GHR: variants seen among roughly 807,000 people sequenced by gnomAD.
GHR encodes GH receptor.
A neutral mutation model predicts 67.1 loss-of-function variants in GHR; 35 were observed. The ratio of observed to expected loss-of-function variants is 0.52; its 90% CI spans 0.40 to 0.69. The LOEUF is 0.69. GHR is among the 30% of genes least tolerant of loss of function. The pLI, the probability that GHR is intolerant of heterozygous loss-of-function variation, is 0.00. For missense variants in GHR, 792 were observed against 764.6 expected (o/e 1.04, Z -0.42); for synonymous variants, 272 against 269.1 (o/e 1.01, Z -0.10).
intron 2 of GHR, among the ~76,000 whole-genome samples, chr5:42,571,191 G>C (rs1750288192): frequency 6.6e-6 from 1 of 152,212 alleles, no homozygotes. Flanking sequence ...AACTCTGTAG[G>C]GGAGGAAACA....
chr5:42,657,825 T>G (rs1409091570), intron 3 of GHR, among the ~76,000 whole-genome samples: 4 of 152,322 alleles, frequency 2.6e-5, no homozygotes. Flanking sequence ...TCTTGCTTGT[T>G]GGCCAGGCTG....
At chr5:42,481,192 C>G (rs1229744400) in intron 1 of GHR, among the ~76,000 whole-genome samples, 2 of 152,074 alleles carry the variant, frequency 1.3e-5, no homozygotes, top group Admixed American at 1.3e-4. Flanking sequence ...AAATTCTTTT[C>G]TTTAAGAATG....
At chr5:42,678,558 G>A (rs1756681864) in intron 3 of GHR, among the ~76,000 whole-genome samples, 1 of 152,136 alleles carries the variant, frequency 6.6e-6, no homozygotes, top group East Asian at 1.9e-4. Context: ...ATGATTCAGA[G>A]AATCTTATAA....
intron 1 of GHR, among the ~76,000 whole-genome samples, chr5:42,477,103 A>C (rs1019351024): frequency 7.3e-6 from 1 of 137,852 alleles, no homozygotes; most frequent in East Asian, 2.2e-4. Context: ...TCATTGTTCA[A>C]TTCCCACCTA....
chr5:42,461,040 A>C (rs779939901), intron 1 of GHR, among the ~76,000 whole-genome samples: 36 of 152,168 alleles, frequency 2.4e-4, no homozygotes, highest in South Asian at 8.3e-4. Flanking sequence ...TTGTCTCTGA[A>C]TATCTGGGAT....
intron 3 of GHR, among the ~76,000 whole-genome samples, chr5:42,672,821 A>C (rs968888118): frequency 2.6e-5 from 4 of 152,168 alleles, no homozygotes; most frequent in African/African-American, 9.6e-5. Flanking sequence ...TAAGAATCCT[A>C]TAAGAAAACC....
In GHR at chr5:42,718,070, GC is replaced by G; in HGVS notation, c.899del (p.Pro300GlnfsTer20). The part of the protein sequence containing the change: ...KQQRIKMLIL[P>X]PVPVPKIKGI... The stretch of plus-strand genomic sequence containing the variant: ...TTTCAAGGATTAAAATGCTGATTCT[GC>G]CCCCAGTTCCAGTTCCAAAGATTAA... On this transcript the variant is annotated frameshift_variant, in exon 9 of 10. Coordinates refer to ENST00000230882, the MANE Select transcript of GHR (RefSeq NM_000163.5). LOFTEE classifies it high-confidence loss of function. 2 of 1,586,106 alleles carry G rather than the reference GC, an allele frequency of 1.3e-6. No individual in the cohort carries two copies. The highest frequency in any genetic ancestry group is 1.7e-6 in the Non-Finnish European group (2 of 1,155,188).
At chr5:42,674,691 C>G (rs1756482738) in intron 3 of GHR, among the ~76,000 whole-genome samples, 1 of 152,202 alleles carries the variant, frequency 6.6e-6, no homozygotes, top group South Asian at 2.1e-4. Context: ...TATTTTATTC[C>G]TTTTTAAGAC....
At chr5:42,565,473 A>C in intron 1 of GHR, 3 of 985,010 alleles carry the variant, frequency 3.0e-6, no homozygotes, top group Non-Finnish European at 3.6e-6. Context: ...TGTCCAGCTC[A>C]AGGCCCCATG....
At chr5:42,473,873 CAAAAA>C (rs532325898) in intron 1 of GHR, among the ~76,000 whole-genome samples, 1 of 83,136 alleles carries the variant, frequency 1.2e-5, no homozygotes. Flanking sequence ...GACTTTGTCT[CAAAAA>C]AAAAAAAAAA....
chr5:42,485,838 G>C (rs919686758), intron 1 of GHR, among the ~76,000 whole-genome samples: 1 of 152,162 alleles, frequency 6.6e-6, no homozygotes, highest in East Asian at 1.9e-4. Context: ...TCACGTAAGT[G>C]CTAGCCTTTC....
chr5:42,478,402 T>C (rs978648270), intron 1 of GHR, among the ~76,000 whole-genome samples: 63 of 152,164 alleles, frequency 4.1e-4, no homozygotes, highest in Non-Finnish European at 7.5e-4. Flanking sequence ...TTAAAGTAGT[T>C]TTTTCCAATT....
chr5:42,560,427 T>C (rs931383372), intron 1 of GHR, among the ~76,000 whole-genome samples: 9 of 152,100 alleles, frequency 5.9e-5, no homozygotes, highest in Admixed American at 2.0e-4. Flanking sequence ...CTCTTGACCT[T>C]GTGATCCACC....
intron 2 of GHR, among the ~76,000 whole-genome samples, chr5:42,627,811 G>A (rs1753779647): frequency 6.6e-6 from 1 of 152,226 alleles, no homozygotes; most frequent in African/African-American, 2.4e-5. Flanking sequence ...GTGTTAATCA[G>A]CTCAATGGAC....
intron 3 of GHR, among the ~76,000 whole-genome samples, chr5:42,641,182 G>T (rs73751227): frequency 0.062 from 9,342 of 151,864 alleles, 398 homozygotes; most frequent in Non-Finnish European, 0.089. Flanking sequence ...GCTGTACACA[G>T]AGCTAAAAGT....
chr5:42,439,593 A>G (rs890582730), intron 1 of GHR, among the ~76,000 whole-genome samples: 1 of 152,252 alleles, frequency 6.6e-6, no homozygotes, highest in African/African-American at 2.4e-5. Context: ...AAATTTATCT[A>G]AAGATGGACA....
rs150507346 is a variant in GHR at position 42,541,846 on chromosome 5, G to T, written c.-11-24018G>T. On this transcript the variant is annotated intron_variant, in intron 1 of 9. Transcript: ENST00000230882. ...AGGCCTGAGAATCTGGAAAGATGAA[G>T]GTGATATTTACTGAAATGGCCTACA... Among the ~76,000 whole-genome samples, 1,160 of 152,148 alleles carry T rather than the reference G, an allele frequency of 7.6e-3. 9 individuals are homozygous for T. Among genetic ancestry groups the T allele is most frequent in the African/African-American group, 0.026 (1,099 of 41,512 alleles).
chr5:42,581,853 C>T (rs1579989830), intron 2 of GHR, among the ~76,000 whole-genome samples: 1 of 152,178 alleles, frequency 6.6e-6, no homozygotes, highest in East Asian at 1.9e-4. Context: ...CCTGGGCATC[C>T]CCGTGCTCTC....
intron 1 of GHR, among the ~76,000 whole-genome samples, chr5:42,560,080 A>T (rs565586518): frequency 4.7e-4 from 72 of 152,116 alleles, no homozygotes; most frequent in East Asian, 1.4e-3. Context: ...TCACTTTTTT[A>T]AAAAAAATAC....
Sources: allele counts gnomAD v4.1 joint callset (sites outside exome capture counted in the v4.1 genomes callset), GRCh38; gene constraint gnomAD v4.1.1; transcripts MANE v1.5; gene names NCBI Gene and HGNC (gene_info 2026-07-23, HGNC 2026-07-21).